AKAP9: variants seen among roughly 807,000 people sequenced by gnomAD.
The protein encoded by AKAP9 is A-kinase anchor protein 9.
AKAP9 carries 311 observed loss-of-function variants against 488.5 expected under a neutral mutation model. That is an observed-to-expected ratio of 0.64 (90% CI 0.58 to 0.70). The LOEUF is 0.70. Ranked by LOEUF, AKAP9 falls within the 30% of genes least tolerant of loss-of-function variation. The pLI, the probability that AKAP9 is intolerant of heterozygous loss-of-function variation, is 0.00. For missense variants in AKAP9, 4,215 were observed against 4,374.5 expected (o/e 0.96, Z 1.03); for synonymous variants, 1,462 against 1,483.5 (o/e 0.99, Z 0.33).
At chr7:91,978,193 G>A (rs1795938059) in intron 2 of AKAP9, among the ~76,000 whole-genome samples, 2 of 137,854 alleles carry the variant, frequency 1.5e-5, no homozygotes, top group Admixed American at 1.6e-4. Context: ...AGTGAGCCAA[G>A]ATGATGCCGC....
At chr7:92,057,095 A>G (rs1808916321) in intron 22 of AKAP9, among the ~76,000 whole-genome samples, 1 of 152,068 alleles carries the variant, frequency 6.6e-6, no homozygotes, top group African/African-American at 2.4e-5. Context: ...CTTAAGTGGT[A>G]TAGTTTTCAA....
chr7:92,004,743 T>C (rs1799597181), intron 8 of AKAP9, among the ~76,000 whole-genome samples: 1 of 152,186 alleles, frequency 6.6e-6, no homozygotes, highest in South Asian at 2.1e-4. Context: ...TTTCTAGATA[T>C]ACAATCACGT....
chr7:92,045,893 G>T (rs546756529), intron 21 of AKAP9, among the ~76,000 whole-genome samples: 1 of 148,716 alleles, frequency 6.7e-6, no homozygotes, highest in African/African-American at 2.5e-5. Flanking sequence ...GAGTGCAGTG[G>T]CGCAGTCTGG....
chr7:92,058,804 A>G (rs1584360575), intron 22 of AKAP9, among the ~76,000 whole-genome samples: 1 of 152,018 alleles, frequency 6.6e-6, no homozygotes, highest in South Asian at 2.1e-4. Context: ...GTTTACAATC[A>G]TATGTTATAT....
At chr7:92,102,130 T>C (rs1817601550) in intron 45 of AKAP9, among the ~76,000 whole-genome samples, 2 of 150,730 alleles carry the variant, frequency 1.3e-5, no homozygotes, top group African/African-American at 2.4e-5. Flanking sequence ...AACTCCAGTA[T>C]GGGTGACAGA....
At chr7:91,942,500 G>A (rs971383884) in intron 1 of AKAP9, among the ~76,000 whole-genome samples, 2 of 152,188 alleles carry the variant, frequency 1.3e-5, no homozygotes, top group African/African-American at 4.8e-5. Flanking sequence ...AATCTGAGGG[G>A]CTGAGCAAGC....
intron 14 of AKAP9, among the ~76,000 whole-genome samples, chr7:92,026,770 G>A (rs1239341322): frequency 6.6e-6 from 1 of 152,144 alleles, no homozygotes; most frequent in Non-Finnish European, 1.5e-5. Flanking sequence ...TAGGAAGTGA[G>A]GAGCATCTCT....
chr7:92,107,436 A>T lies in AKAP9; in HGVS notation c.11546+14A>T. 1 of 1,612,180 alleles carries T rather than the reference A, an allele frequency of 6.2e-7. No individual in the cohort carries two copies. Among genetic ancestry groups the T allele is most frequent in the Non-Finnish European group, 8.5e-7 (1 of 1,178,634 alleles). ...ATTTCAGAATAGGTAAGAATATGAG[A>T]AAACCTGCCTGGAATTGTTAAATGT... On this transcript the variant is annotated intron_variant, in intron 48 of 49. Transcript: ENST00000356239.
At chr7:92,028,295 TAAAAAAAAAAAAAA>T (rs57352733) in intron 14 of AKAP9, among the ~76,000 whole-genome samples, 2 of 65,086 alleles carry the variant, frequency 3.1e-5, no homozygotes, top group South Asian at 8.3e-4. Flanking sequence ...CAATAAATAC[TAAAAAAAAAAAAAA>T]AAAAAAAAAA....
At chr7:91,948,827 T>A (rs1238971550) in intron 1 of AKAP9, among the ~76,000 whole-genome samples, 1 of 151,628 alleles carries the variant, frequency 6.6e-6, no homozygotes, top group African/African-American at 2.4e-5. Flanking sequence ...TTGGCCAGGC[T>A]GGTCTTGAAC....
intron 8 of AKAP9, among the ~76,000 whole-genome samples, chr7:92,005,249 T>A (rs1285943953): frequency 3.3e-5 from 5 of 152,200 alleles, no homozygotes; most frequent in Admixed American, 6.5e-5. Flanking sequence ...TTTGCATCGA[T>A]GTTCATCAGG....
intron 2 of AKAP9, among the ~76,000 whole-genome samples, chr7:91,977,059 G>A (rs866892462): frequency 6.6e-6 from 1 of 151,754 alleles, no homozygotes; most frequent in African/African-American, 2.4e-5. Context: ...AAGAGTTCGA[G>A]ACCAGCCTGG....
At chr7:91,957,555 CTT>C (rs1793175833) in intron 1 of AKAP9, among the ~76,000 whole-genome samples, 1 of 152,070 alleles carries the variant, frequency 6.6e-6, no homozygotes. Context: ...GAATTCCAGA[CTT>C]ATAGTTTGAA....
intron 38 of AKAP9, chr7:92,092,521 T>C (rs1815804192): frequency 1.3e-5 from 2 of 152,238 alleles, no homozygotes; most frequent in Admixed American, 6.5e-5. Flanking sequence ...TTTTTTTTAA[T>C]TTTAAGTCTT....
chr7:91,962,074 T>A (rs938058015), intron 1 of AKAP9, among the ~76,000 whole-genome samples: 1 of 152,180 alleles, frequency 6.6e-6, no homozygotes, highest in Non-Finnish European at 1.5e-5. Context: ...GTAGTCTGAA[T>A]TTTCACCATG....
At chr7:91,954,704 T>C (rs978062516) in intron 1 of AKAP9, among the ~76,000 whole-genome samples, 1 of 126,586 alleles carries the variant, frequency 7.9e-6, no homozygotes, top group Non-Finnish European at 1.7e-5. Context: ...CTGGGAAGCT[T>C]TACAAATTTT....
chr7:92,068,379 A>AG (rs1309575245), intron 26 of AKAP9, among the ~76,000 whole-genome samples: 2 of 151,292 alleles, frequency 1.3e-5, no homozygotes, highest in African/African-American at 4.8e-5. Flanking sequence ...AAAAAAAAAA[A>AG]AAAAAAAAGA....
Position 92,097,158 on chromosome 7 carries a change from AGG to A in AKAP9, c.10201_10202del (p.Gly3401ThrfsTer6). ...CAGACAGAACAGGAGGCCAACACTGAGGGACAGAAAAAAATGCATGAGCTCCA... is the reference window on the plus strand; with the variant it reads ...CAGACAGAACAGGAGGCCAACACTGAGACAGAAAAAAATGCATGAGCTCCA... On this transcript the variant is annotated frameshift_variant, in exon 41 of 50. Coordinates refer to ENST00000356239, the MANE Select transcript of AKAP9 (RefSeq NM_005751.5). LOFTEE classifies it high-confidence loss of function. 1 of 1,614,100 alleles carries A rather than the reference AGG, an allele frequency of 6.2e-7. No individual in the cohort carries two copies. The highest frequency in any genetic ancestry group is 8.5e-7 in the Non-Finnish European group (1 of 1,179,998).
chr7:91,990,430 G>A (rs1797613771), intron 3 of AKAP9, among the ~76,000 whole-genome samples: 1 of 151,886 alleles, frequency 6.6e-6, no homozygotes, highest in African/African-American at 2.4e-5. Context: ...TTTAGTTCTG[G>A]TGAATAATCT....
Sources: allele counts gnomAD v4.1 joint callset (sites outside exome capture counted in the v4.1 genomes callset), GRCh38; gene constraint gnomAD v4.1.1; transcripts MANE v1.5; gene names NCBI Gene and HGNC (gene_info 2026-07-23, HGNC 2026-07-21).